The following MED31 variants were observed in gnomAD, a reference collection of about 807,000 sequenced individuals.
MED31 encodes mediator of RNA polymerase II transcription subunit 31.
A neutral mutation model predicts 22.0 loss-of-function variants in MED31; 11 were observed. The ratio of observed to expected loss-of-function variants is 0.50; its 90% CI spans 0.31 to 0.83. MED31 has a LOEUF of 0.83. Among genes scored for constraint, MED31 ranks in the 40% least tolerant of loss-of-function variants. MED31 has a pLI of 0.04. For synonymous variants in MED31, 60 were observed against 55.1 expected, an observed-to-expected ratio of 1.09 and a Z score of -0.40; for missense variants, 122 against 155.3, an observed-to-expected ratio of 0.79 and a Z score of 1.14.
chr17:6,646,731 G>A (rs930007857), intron 3 of MED31, among the ~76,000 whole-genome samples: 2 of 152,220 alleles, frequency 1.3e-5, no homozygotes, highest in African/African-American at 4.8e-5. Context: ...TCCCCCAACT[G>A]AGACAGCCTG....
chr17:6,644,682 A>G, intron 3 of MED31, 23 bp from the exon 4 acceptor site: 2 of 1,535,042 alleles, frequency 1.3e-6, no homozygotes, highest in Non-Finnish European at 1.7e-6. Flanking sequence ...TTGTAAGTGA[A>G]TGAACAACAT....
At position 6,644,535 on chromosome 17, in the gene MED31, G is replaced by T; in HGVS notation, c.328C>A (p.Arg110=). The T allele has an allele frequency of 6.2e-7, 1 of 1,613,192 alleles. No individual in the cohort carries two copies. The highest frequency in any genetic ancestry group is 8.5e-7 in the Non-Finnish European group (1 of 1,179,792). Residue 110 remains arginine (R), a synonymous_variant, in exon 4 of 4, where the codon CGG becomes AGG. Coordinates refer to ENST00000225728, the MANE Select transcript of MED31 (RefSeq NM_016060.3). ...QQILHWQHYS[R]KRMRLQQALA... ...GCTTGCTGAAGGCGCATCCGCTTCC[G>T]GGAATAGTGCTGCCAATGTAGAATC...
chr17:6,644,153 T>C lies in MED31; in HGVS notation c.*314A>G, dbSNP rs1358644915. 2.3e-6 allele frequency: 1 copy of C among 426,960 alleles called. No individual in the cohort carries two copies. The highest frequency in any genetic ancestry group is 4.1e-6 in the Non-Finnish European group (1 of 242,366). 26.4% of individuals were successfully genotyped at this position (426,960 alleles called of 1,614,324 possible). On this transcript the variant is annotated 3_prime_UTR_variant, in exon 4 of 4. Coordinates refer to ENST00000225728, the MANE Select transcript of MED31 (RefSeq NM_016060.3). Reference sequence around the variant, plus strand: ...TAGCCTTAGAATTCAGTATACTTGGTGGCCCACCCCTACCCCATGCCCCAG... The same window carrying C: ...TAGCCTTAGAATTCAGTATACTTGGCGGCCCACCCCTACCCCATGCCCCAG...
chr17:6,651,366 C>T, intron 1 of MED31, 135 bp downstream of exon 1: 1 of 1,215,262 alleles, frequency 8.2e-7, no homozygotes, highest in Non-Finnish European at 1.1e-6. Context: ...TTTCTAGACG[C>T]TACAAGAGCC....
chr17:6,646,903 T>A (rs914222734), intron 3 of MED31, among the ~76,000 whole-genome samples: 1 of 152,212 alleles, frequency 6.6e-6, no homozygotes, highest in Non-Finnish European at 1.5e-5. Flanking sequence ...AATGTCTTAG[T>A]GTAAAGTCGA....
chr17:6,651,331 G>A (rs1364677549), intron 1 of MED31, 170 bp downstream of exon 1: 1 of 940,760 alleles, frequency 1.1e-6, no homozygotes, highest in East Asian at 2.7e-5. Context: ...ACCAAATCAG[G>A]AAAACTGCAA....
chr17:6,651,188 T>G (rs566974178), intron 1 of MED31, among the ~76,000 whole-genome samples: 2 of 149,448 alleles, frequency 1.3e-5, no homozygotes, highest in South Asian at 4.2e-4. Flanking sequence ...TATTTCAAAC[T>G]TAGGCAAGCT....
Position 6,650,053 on chromosome 17 carries a change from T to C in MED31, c.132A>G (p.Lys44=). 6.2e-7 allele frequency: 1 copy of C among 1,603,240 alleles called. No individual in the cohort carries two copies. Among genetic ancestry groups the C allele is most frequent in the Non-Finnish European group, 8.5e-7 (1 of 1,177,344 alleles). ...LNFLAQRGYF[K]DKAFVNYLKY... ...TAAGATAATTAACAAAAGCTTTGTC[T>C]TTGAAGTAACCTCTTTGGGCAAGAA... The change falls in exon 3 of 4, where the codon AAA becomes AAG. Residue 44 remains lysine (K), a synonymous_variant. Coordinates refer to ENST00000225728, the MANE Select transcript of MED31 (RefSeq NM_016060.3).
chr17:6,645,867 T>G (rs1484265660), intron 3 of MED31, among the ~76,000 whole-genome samples: 1 of 152,202 alleles, frequency 6.6e-6, no homozygotes. Flanking sequence ...AATATGATAT[T>G]TACATAGTCT....
intron 3 of MED31, among the ~76,000 whole-genome samples, chr17:6,647,246 C>T (rs1972779118): frequency 6.6e-6 from 1 of 152,190 alleles, no homozygotes; most frequent in South Asian, 2.1e-4. Context: ...CTGAGTGTGC[C>T]GGTCCCCTGG....
Position 6,644,269 on chromosome 17 carries a change from A to T in MED31, c.*198T>A. On this transcript the variant is annotated 3_prime_UTR_variant, in exon 4 of 4. Transcript: ENST00000225728. The stretch of plus-strand genomic sequence containing the variant: ...AAAAAGAAAAACACCTTACAAATCC[A>T]CAGGGAAATCAAAGAACAATTCAGG... The T allele has an allele frequency of 1.7e-6, 1 of 593,572 alleles. No individual in the cohort carries two copies. Among genetic ancestry groups the T allele is most frequent in the Non-Finnish European group, 2.6e-6 (1 of 378,360 alleles). The allele number at this position is 593,572 out of a possible 1,614,324, so 36.8% of individuals were successfully genotyped here.
chr17:6,650,511 A>T, intron 1 of MED31, 78 bp from the exon 2 acceptor site: 1 of 1,351,670 alleles, frequency 7.4e-7, no homozygotes, highest in Admixed American at 1.9e-5. Context: ...GGAAAGAGCA[A>T]TAAAGAAACC....
At chr17:6,647,330 C>A (rs1972779944) in intron 3 of MED31, among the ~76,000 whole-genome samples, 1 of 152,228 alleles carries the variant, frequency 6.6e-6, no homozygotes, top group Admixed American at 6.5e-5. Flanking sequence ...ACGAGAAATA[C>A]CCACAGGTGT....
chr17:6,651,373 A>T, intron 1 of MED31, 128 bp downstream of exon 1: 9 of 1,257,704 alleles, frequency 7.2e-6, no homozygotes, highest in Non-Finnish European at 1.0e-5. Context: ...ACGCTACAAG[A>T]GCCTTCTCTC....
At chr17:6,644,771 T>C in intron 3 of MED31, 112 bp from the exon 4 acceptor site, 7 of 1,258,104 alleles carry the variant, frequency 5.6e-6, no homozygotes, top group Non-Finnish European at 6.3e-6. Context: ...TCTATAACAG[T>C]AACTTAGTAC....
In MED31 at chr17:6,644,449, T is replaced by C. The variant is rs754126641; in HGVS notation, c.*18A>G. The C allele has an allele frequency of 2.5e-6, 4 of 1,574,314 alleles. No homozygotes were observed. Among genetic ancestry groups the C allele is most frequent in the Non-Finnish European group, 3.4e-6 (4 of 1,162,846 alleles). The stretch of plus-strand genomic sequence containing the variant: ...ACATTATATACATGTATTAAGTGCC[T>C]CGTTTGTATCCAGTTTTTCATTTTC... On this transcript the variant is annotated 3_prime_UTR_variant, in exon 4 of 4. Coordinates refer to ENST00000225728, the MANE Select transcript of MED31 (RefSeq NM_016060.3).
At chr17:6,651,446 T>C (rs1230875021) in intron 1 of MED31, 55 bp downstream of exon 1, 3 of 1,610,788 alleles carry the variant, frequency 1.9e-6, no homozygotes, top group Admixed American at 3.3e-5. Flanking sequence ...GGGGAAGAGG[T>C]CTGGGTCAAG....
chr17:6,647,492 T>C (rs1267407213), intron 3 of MED31, among the ~76,000 whole-genome samples: 1 of 152,222 alleles, frequency 6.6e-6, no homozygotes, highest in Admixed American at 6.5e-5. Context: ...GCAGATTGAA[T>C]CCTTAGGCCT....
chr17:6,646,686 C>A (rs1274107650), intron 3 of MED31, among the ~76,000 whole-genome samples: 1 of 152,230 alleles, frequency 6.6e-6, no homozygotes, highest in Non-Finnish European at 1.5e-5. Context: ...GCCGCAGGGA[C>A]CCCTGCCCAG....
Sources: gnomAD v4.1 joint callset for allele counts (sites outside exome capture counted in the v4.1 genomes callset) on GRCh38, gnomAD v4.1.1 for gene constraint, MANE v1.5 for transcripts, NCBI Gene and HGNC (gene_info 2026-07-23, HGNC 2026-07-21) for gene names.